Variants in KYAT3 observed in about 807,000 individuals in gnomAD.
The protein encoded by KYAT3 is kynurenine aminotransferase 3, also known as kynurenine--oxoglutarate transaminase 3.
In KYAT3, 50 loss-of-function variants were observed where a neutral mutation model predicts 59.0. The observed-to-expected ratio is 0.85, with a 90% CI of 0.68 to 1.07. KYAT3 has a LOEUF of 1.07. Ranked by LOEUF, KYAT3 falls within the 50% of genes least tolerant of loss-of-function variation. The pLI is 0.00. For missense variants in KYAT3, 497 were observed against 533.3 expected, an observed-to-expected ratio of 0.93 and a Z score of 0.67; for synonymous variants, 148 against 177.0, an observed-to-expected ratio of 0.84 and a Z score of 1.30.
At chr1:88,926,181 A>T in the KYAT3 span, among the ~76,000 whole-genome samples, 2 of 152,258 alleles carry the variant, frequency 1.3e-5, no homozygotes, top group African/African-American at 2.4e-5. Flanking sequence ...CAAAAATCTT[A>T]AAGTATGGGT....
intron 1 of KYAT3, 21 bp from the exon 2 acceptor site, chr1:88,988,372 T>G: frequency 1.4e-6 from 2 of 1,463,202 alleles, no homozygotes; most frequent in Non-Finnish European, 9.6e-7. Flanking sequence ...AAAGAAAAAT[T>G]GAGAAGAGGA....
chr1:88,927,692 G>A, the KYAT3 span, among the ~76,000 whole-genome samples: 2 of 152,090 alleles, frequency 1.3e-5, no homozygotes, highest in East Asian at 3.9e-4. Flanking sequence ...AGGAGAATTC[G>A]GCCCAGCCAG....
Position 88,968,693 on chromosome 1 carries a change from G to T in KYAT3, c.280C>A (p.Leu94Met). Residue 94 changes from leucine (L) to methionine (M), a missense_variant, in exon 4 of 14, where the codon CTG (leucine) becomes ATG (methionine). Transcript: ENST00000260508. ...ACAAAGCCTCGTGTATACTGATTCA[G>T]GCTATCGATTGCTGCAATCTTTGAT... is the stretch of plus-strand genomic sequence containing the variant. ...ELSKIAAIDS[L>M]NQYTRGFGHP... 6.3e-7 allele frequency: 1 copy of T among 1,591,690 alleles called. No individual in the cohort carries two copies. Among genetic ancestry groups the T allele is most frequent in the Non-Finnish European group, 8.5e-7 (1 of 1,173,944 alleles).
At chr1:88,934,713 T>C (rs74736551), downstream of KYAT3, among the ~76,000 whole-genome samples, 16,118 of 152,122 alleles carry the variant, frequency 0.11, 916 homozygotes, top group Middle Eastern at 0.19. Context: ...TGATAGACAA[T>C]GAAGTCAAGG....
downstream of KYAT3, among the ~76,000 whole-genome samples, chr1:88,934,763 G>T (rs1674979331): frequency 6.6e-6 from 1 of 152,096 alleles, no homozygotes; most frequent in African/African-American, 2.4e-5. Context: ...GGAGCCGATA[G>T]AAATAAAATG....
intron 9 of KYAT3, 152 bp from the exon 10 acceptor site, chr1:88,953,304 G>A: frequency 1.7e-6 from 1 of 586,296 alleles, no homozygotes; most frequent in Non-Finnish European, 3.0e-6. Context: ...CAGCACTTTG[G>A]GAAGCCGAGG....
At chr1:88,986,640 G>C (rs535464080) in intron 2 of KYAT3, among the ~76,000 whole-genome samples, 2 of 152,146 alleles carry the variant, frequency 1.3e-5, no homozygotes, top group African/African-American at 4.8e-5. Context: ...TAGAGAATAT[G>C]TAAAATGTTT....
chr1:88,955,869 G>A (rs1433659972), intron 8 of KYAT3, among the ~76,000 whole-genome samples: 4 of 152,064 alleles, frequency 2.6e-5, no homozygotes. Flanking sequence ...ATGTGTGTAT[G>A]GGCGTGTGTT....
Position 88,981,657 on chromosome 1 carries a change from TCAA to T in KYAT3, c.99+6592_99+6594del, listed in dbSNP as rs758203528. On this transcript the variant is annotated intron_variant, in intron 2 of 13. Coordinates refer to ENST00000260508, the MANE Select transcript of KYAT3 (RefSeq NM_001008661.3). ...TACCAACAATCAGCCGCCTTCTGCTTCAACAACTCTTAGCATTTGATTTCTCTT... is the reference window on the plus strand; with the variant it reads ...TACCAACAATCAGCCGCCTTCTGCTTCAACTCTTAGCATTTGATTTCTCTT... The T allele has an allele frequency of 2.9e-5, 5 of 172,638 alleles. No individual in the cohort carries two copies. The Middle Eastern group carries it at 2.0e-3, about 70-fold the overall frequency. The allele number at this position is 172,638 out of a possible 1,614,324, so 10.7% of individuals were successfully genotyped here. A position where few individuals can be genotyped will look rare whatever the true frequency, so the allele number is the denominator to read the frequency against.
chr1:88,953,016 C>A, intron 10 of KYAT3, 47 bp downstream of exon 10: 1 of 1,171,234 alleles, frequency 8.5e-7, no homozygotes, highest in African/African-American at 1.5e-5. Flanking sequence ...AAAGTAATAC[C>A]TTCACCAAAA....
chr1:88,947,837 C>G (rs1435503781), intron 11 of KYAT3, among the ~76,000 whole-genome samples: 2 of 152,120 alleles, frequency 1.3e-5, no homozygotes, highest in Non-Finnish European at 2.9e-5. Context: ...GCCTGTAATC[C>G]CAGCACTTTG....
chr1:88,936,340 G>T, intron 13 of KYAT3, 95 bp from the exon 14 acceptor site: 1 of 952,468 alleles, frequency 1.0e-6, no homozygotes, highest in Non-Finnish European at 1.6e-6. Context: ...AGATTTAAGT[G>T]AATATCTGAT....
At chr1:88,931,569 G>T (rs950360914), downstream of KYAT3, among the ~76,000 whole-genome samples, 1 of 152,014 alleles carries the variant, frequency 6.6e-6, no homozygotes, top group Non-Finnish European at 1.5e-5. Flanking sequence ...TTGAGAGGGG[G>T]GACTGAGAGA....
intron 2 of KYAT3, chr1:88,979,726 A>G (rs1676980445): frequency 6.6e-6 from 1 of 152,244 alleles, no homozygotes; most frequent in African/African-American, 2.4e-5. Flanking sequence ...TGGGAATATA[A>G]AAGGGTATAG....
downstream of KYAT3, among the ~76,000 whole-genome samples, chr1:88,933,946 A>G (rs1049029557): frequency 6.6e-6 from 1 of 152,160 alleles, no homozygotes; most frequent in Non-Finnish European, 1.5e-5. Context: ...CAAAGGATGA[A>G]TGACCATTAT....
Position 88,949,113 on chromosome 1 carries a change from G to A in KYAT3, c.1119C>T (p.Ile373=). 3 of 1,595,658 alleles carry A rather than the reference G, an allele frequency of 1.9e-6. No homozygotes were observed. The highest frequency in any genetic ancestry group is 2.6e-6 in the Non-Finnish European group (3 of 1,174,316). The change falls in exon 11 of 14, where the codon ATC becomes ATT. Residue 373 remains isoleucine (I), a synonymous_variant. Transcript: ENST00000260508. ...AACCTAGCAAAGACACATCAGCGAT[G>A]ATGAAGTATCCTCCATCAGGAACTA... ...KPIVPDGGYF[I]IADVSLLDPD...
chr1:88,981,212 A>G (rs550931136), intron 2 of KYAT3: 8 of 152,250 alleles, frequency 5.3e-5, no homozygotes, highest in African/African-American at 1.7e-4. Flanking sequence ...GATGTCACTC[A>G]TAAGTTTTAT....
intron 10 of KYAT3, among the ~76,000 whole-genome samples, chr1:88,952,293 C>G (rs1313802239): frequency 6.6e-6 from 1 of 152,136 alleles, no homozygotes; most frequent in Non-Finnish European, 1.5e-5. Flanking sequence ...CAGGTAAGTA[C>G]GTAACTTCTT....
intron 2 of KYAT3, among the ~76,000 whole-genome samples, chr1:88,985,847 G>A (rs1299668311): frequency 2.6e-5 from 4 of 152,194 alleles, no homozygotes; most frequent in African/African-American, 7.2e-5. Flanking sequence ...GAGATATTGG[G>A]TATGGACTAA....
Sources: allele counts gnomAD v4.1 joint callset (sites outside exome capture counted in the v4.1 genomes callset), GRCh38; gene constraint gnomAD v4.1.1; transcripts MANE v1.5; gene names NCBI Gene and HGNC (gene_info 2026-07-23, HGNC 2026-07-21).